The following OR4D9 variants were observed in gnomAD, a reference collection of about 807,000 sequenced individuals.
OR4D9 encodes the protein olfactory receptor family 4 subfamily D member 9.
OR4D9 carries 2 observed loss-of-function variants against 0.8 expected under a neutral mutation model. The ratio of observed to expected loss-of-function variants is 2.58; its 90% confidence interval spans 1.06 to 8.13. The LOEUF (loss-of-function observed/expected upper bound fraction) is 8.13. OR4D9 is among the 30% of genes most tolerant of loss of function. The probability of loss-of-function intolerance (pLI) is 0.04; values close to 1 mark genes in which losing one functional copy is unlikely to be tolerated. For synonymous variants in OR4D9, 146 were observed against 151.2 expected, an observed-to-expected ratio of 0.97 and a Z score of 0.25; for missense variants, 399 against 384.7, an observed-to-expected ratio of 1.04 and a Z score of -0.31.
In OR4D9 at chr11:59,515,619, C is replaced by T. The variant is rs1210886564; in HGVS notation, c.707C>T (p.Ala236Val). ...CACACTGGGGAAGGCAGGAGGAAAG[C>T]CATCTCCACCTGCACCTCCCACATC... Reference protein sequence around the residue: ...RSHTGEGRRKAISTCTSHITV... With the variant: ...RSHTGEGRRKVISTCTSHITV... The change falls in exon 3 of 3, where the codon GCC (alanine) becomes GTC (valine). Residue 236 changes from alanine to valine, a missense_variant. By Grantham distance (64) the Ala-to-Val change is moderately conservative. Transcript: ENST00000641962. The T allele has an allele frequency of 6.2e-7, 1 of 1,613,984 alleles. No homozygotes were observed. The highest frequency in any genetic ancestry group is 1.3e-5 in the African/African-American group (1 of 74,906).
At position 59,519,141 on chromosome 11, in the gene OR4D9, T is replaced by G. The variant is rs1859441860; in HGVS notation, c.*3284T>G. The G allele has an allele frequency of 6.6e-6, 1 of 152,144 alleles. No individual in the cohort carries two copies. 9.4% of individuals were successfully genotyped at this position (152,144 alleles called of 1,614,324 possible). A position where few individuals can be genotyped will look rare whatever the true frequency, so the allele number is the denominator to read the frequency against. On this transcript the variant is annotated 3_prime_UTR_variant, in exon 3 of 3. Coordinates refer to ENST00000641962, the MANE Select transcript of OR4D9 (RefSeq NM_001004711.2). ...GCCAGGGAGGGTGGATTGCTTGAGC[T>G]CAGGAGTTTCAGAACAGCCTGGGCA...
intron 1 of OR4D9, among the ~76,000 whole-genome samples, chr11:59,514,233 G>A (rs1859370152): frequency 6.6e-6 from 1 of 152,270 alleles, no homozygotes; most frequent in Non-Finnish European, 1.5e-5. Context: ...ACACCCACTA[G>A]CAGTGTATTA....
Position 59,515,426 on chromosome 11 carries a change from A to G in OR4D9, c.514A>G (p.Asn172Asp). ...GCTCCCACTCCCTTTCTGTGGACCCAATGTTCTTGACACTTTCTACTGCGA... is the reference window on the plus strand; with the variant it reads ...GCTCCCACTCCCTTTCTGTGGACCCGATGTTCTTGACACTTTCTACTGCGA... ...LLLPLPFCGP[N>D]VLDTFYCDVP... The change falls in exon 3 of 3, where the codon AAT (asparagine) becomes GAT (aspartate). Residue 172 changes from asparagine to aspartate, a missense_variant. Transcript: ENST00000641962. 1 of 1,613,964 alleles carries G rather than the reference A, an allele frequency of 6.2e-7. No homozygotes were observed. The highest frequency in any genetic ancestry group is 8.5e-7 in the Non-Finnish European group (1 of 1,179,896).
At chr11:59,514,448 T>A (rs1050100273) in intron 1 of OR4D9, among the ~76,000 whole-genome samples, 3 of 152,234 alleles carry the variant, frequency 2.0e-5, no homozygotes, top group Non-Finnish European at 4.4e-5. Context: ...TTTACTGATT[T>A]GTAGAGGCTC....
Position 59,515,588 on chromosome 11 carries a change from A to G in OR4D9, c.676A>G (p.Arg226Gly), listed in dbSNP as rs1459271759. 6.2e-7 allele frequency: 1 copy of G among 1,614,128 alleles called. No homozygotes were observed. The highest frequency in any genetic ancestry group is 2.2e-5 in the East Asian group (1 of 44,876). ...TTACACGGTCATCTTGATGATGCTG[A>G]GGTCTCACACTGGGGAAGGCAGGAG... is the stretch of plus-strand genomic sequence containing the variant. ...ISYTVILMMLRSHTGEGRRKA... is the reference protein window; with the variant it reads ...ISYTVILMMLGSHTGEGRRKA... The change falls in exon 3 of 3, where the codon AGG becomes GGG. Residue 226 changes from arginine (R) to glycine (G), a missense_variant. Physicochemically the swap from Arg to Gly is moderately radical, Grantham distance 125. Transcript: ENST00000641962.
rs1269423359 is a variant in OR4D9, at chr11:59,515,407, A to G, written c.495A>G (p.Pro165=). 1 of 1,613,232 alleles carries G rather than the reference A, an allele frequency of 6.2e-7. No individual in the cohort carries two copies. Residue 165 remains proline (P), a synonymous_variant, in exon 3 of 3, where the codon CCA becomes CCG. Coordinates refer to ENST00000641962, the MANE Select transcript of OR4D9 (RefSeq NM_001004711.2). ...TAGCGCAGATTTCTCTATTGCTCCCACTCCCTTTCTGTGGACCCAATGTTC... is the reference window on the plus strand; with the variant it reads ...TAGCGCAGATTTCTCTATTGCTCCCGCTCCCTTTCTGTGGACCCAATGTTC... The part of the protein sequence containing the change: ...HSIAQISLLL[P]LPFCGPNVLD...
rs1565094090 is a variant in OR4D9, at chr11:59,515,611, G to A, written c.699G>A (p.Arg233=). The change falls in exon 3 of 3, where the codon AGG becomes AGA. Residue 233 remains arginine, a synonymous_variant. Transcript: ENST00000641962. The part of the protein sequence containing the change: ...MMLRSHTGEG[R]RKAISTCTSH... ...TGAGGTCTCACACTGGGGAAGGCAG[G>A]AGGAAAGCCATCTCCACCTGCACCT... is the stretch of plus-strand genomic sequence containing the variant. 6.2e-7 allele frequency: 1 copy of A among 1,614,108 alleles called. No individual in the cohort carries two copies. Among genetic ancestry groups the A allele is most frequent in the Non-Finnish European group, 8.5e-7 (1 of 1,180,026 alleles).
intron 2 of OR4D9, 25 bp downstream of exon 2, chr11:59,514,791 C>A: frequency 1.5e-6 from 1 of 668,098 alleles, no homozygotes. Flanking sequence ...AAAAGAGCTT[C>A]CTCCTAATTC....
chr11:59,519,633 T>C lies in OR4D9; in HGVS notation c.*3776T>C, dbSNP rs1236348797. 6.6e-6 allele frequency: 1 copy of C among 152,178 alleles called. No individual in the cohort carries two copies. Among genetic ancestry groups the C allele is most frequent in the Non-Finnish European group, 1.5e-5 (1 of 68,028 alleles). The allele number at this position is 152,178 out of a possible 1,614,324, so 9.4% of individuals were successfully genotyped here. On this transcript the variant is annotated 3_prime_UTR_variant, in exon 3 of 3. Coordinates refer to ENST00000641962, the MANE Select transcript of OR4D9 (RefSeq NM_001004711.2). ...TCCCAAACTTTTCATGGGCTTGTTG[T>C]AAACAAGTTCGATTAATGCAGAAGC...
intron 1 of OR4D9, among the ~76,000 whole-genome samples, chr11:59,512,300 C>CTTTTT (rs71036528): frequency 1.6e-5 from 2 of 125,500 alleles, no homozygotes; most frequent in Non-Finnish European, 3.3e-5. Flanking sequence ...TTTCTTTTTT[C>CTTTTT]TTTTTTTTTT....
At position 59,511,835 on chromosome 11, in the gene OR4D9, G is replaced by A. The variant is rs961632279; in HGVS notation, c.-125+89G>A. 2.6e-5 allele frequency: 4 copies of A among 152,306 alleles called. No homozygotes were observed. The South Asian group carries it at 8.3e-4, about 32-fold the overall frequency. 9.4% of individuals were successfully genotyped at this position (152,306 alleles called of 1,614,324 possible). ...GGCTTGGCTGTGTTTTACTTGTTGG[G>A]ATATTGAGGTTCAAAATTTATTAAA... is the stretch of plus-strand genomic sequence containing the variant. On this transcript the variant is annotated intron_variant, in intron 1 of 2. Transcript: ENST00000641962.
At position 59,517,675 on chromosome 11, in the gene OR4D9, C is replaced by T. The variant is rs1859421797; in HGVS notation, c.*1818C>T. ...TGAAACCCCATTTCTACTAAAAATA[C>T]AAAAATTAAGCCGGGTGTGGTGGTA... On this transcript the variant is annotated 3_prime_UTR_variant, in exon 3 of 3. Transcript: ENST00000641962. 1 of 152,064 alleles carries T rather than the reference C, an allele frequency of 6.6e-6. No homozygotes were observed. Among genetic ancestry groups the T allele is most frequent in the South Asian group, 2.1e-4 (1 of 4,816 alleles). 9.4% of individuals were successfully genotyped at this position (152,064 alleles called of 1,614,324 possible).
chr11:59,515,905 C>T lies in OR4D9; in HGVS notation c.*48C>T, dbSNP rs755254280. ...AAAGATAGACATTAAATTTCACTTT[C>T]TCAAAATGGGAAAGGAGCTTGTTCA... On this transcript the variant is annotated 3_prime_UTR_variant, in exon 3 of 3. Coordinates refer to ENST00000641962, the MANE Select transcript of OR4D9 (RefSeq NM_001004711.2). 1.4e-6 allele frequency: 2 copies of T among 1,380,732 alleles called. No individual in the cohort carries two copies. Among genetic ancestry groups the T allele is most frequent in the South Asian group, 2.8e-5 (2 of 70,888 alleles). 85.5% of individuals were successfully genotyped at this position (1,380,732 alleles called of 1,614,324 possible). A position where few individuals can be genotyped will look rare whatever the true frequency, so the allele number is the denominator to read the frequency against.
rs539602976 is a variant in OR4D9, at chr11:59,515,750, C to G, written c.838C>G (p.Pro280Ala). The change falls in exon 3 of 3, where the codon CCT (proline) becomes GCT (alanine). Residue 280 changes from proline (P) to alanine (A), a missense_variant. Transcript: ENST00000641962. ...AISVTFTVIS[P>A]LLNPIIYTLR... Reference sequence around the variant, plus strand: ...CTCTGTCACCTTCACTGTCATCTCCCCTTTGCTCAATCCTATAATTTACAC... The same window carrying G: ...CTCTGTCACCTTCACTGTCATCTCCGCTTTGCTCAATCCTATAATTTACAC... 2 of 1,614,108 alleles carry G rather than the reference C, an allele frequency of 1.2e-6. No homozygotes were observed. Among genetic ancestry groups the G allele is most frequent in the Admixed American group, 1.7e-5 (1 of 60,010 alleles).
chr11:59,513,427 T>C (rs1011876800), intron 1 of OR4D9, among the ~76,000 whole-genome samples: 2 of 152,184 alleles, frequency 1.3e-5, no homozygotes, highest in African/African-American at 4.8e-5. Flanking sequence ...TTAGGCTCCC[T>C]TCAGTTTTGT....
In OR4D9 at chr11:59,514,203, A is replaced by G. The variant is rs535315386; in HGVS notation, c.-124-470A>G. On this transcript the variant is annotated intron_variant, in intron 1 of 2. Coordinates refer to ENST00000641962, the MANE Select transcript of OR4D9 (RefSeq NM_001004711.2). ...CTTAGCAGAGATAATCAAATAGCAA[A>G]GTGGTTATACCAATTTTACACACCC... Among the ~76,000 whole-genome samples the G allele has an allele frequency of 5.9e-5, 9 of 152,362 alleles. No individual in the cohort carries two copies. The East Asian group carries it at 1.7e-3, about 29-fold the overall frequency.
At position 59,515,080 on chromosome 11, in the gene OR4D9, T is replaced by C. The variant is rs756096298; in HGVS notation, c.168T>C (p.His56=). 8.1e-6 allele frequency: 13 copies of C among 1,614,194 alleles called. No individual in the cohort carries two copies. In the Admixed American group the frequency reaches 2.2e-4, roughly 27 times the overall value. ...CAGTTACCTGTGAATCTCACCTTCATACGCCCATGTACTTCCTGCTCCGCA... is the reference window on the plus strand; with the variant it reads ...CAGTTACCTGTGAATCTCACCTTCACACGCCCATGTACTTCCTGCTCCGCA... ...MVTVTCESHL[H]TPMYFLLRNL... Residue 56 remains histidine (H), a synonymous_variant, in exon 3 of 3, where the codon CAT becomes CAC. Coordinates refer to ENST00000641962, the MANE Select transcript of OR4D9 (RefSeq NM_001004711.2).
rs1859379875 is a variant in OR4D9 at position 59,514,925 on chromosome 11, A to T, written c.13A>T (p.Asn5Tyr). ...GATCTGTGATTCAATGGATCAGAGAAATTACACCAGAGTGAAAGAATTTAC... is the reference window on the plus strand; with the variant it reads ...GATCTGTGATTCAATGGATCAGAGATATTACACCAGAGTGAAAGAATTTAC... MDQR[N>Y]YTRVKEFTFL... The change falls in exon 3 of 3, where the codon AAT becomes TAT. Residue 5 changes from asparagine (N) to tyrosine (Y), a missense_variant. Physicochemically the swap from Asn to Tyr is moderately radical, Grantham distance 143 (BLOSUM62 -2). Coordinates refer to ENST00000641962, the MANE Select transcript of OR4D9 (RefSeq NM_001004711.2). The T allele has an allele frequency of 1.9e-6, 3 of 1,608,386 alleles. No homozygotes were observed. The highest frequency in any genetic ancestry group is 2.7e-5 in the African/African-American group (2 of 74,888).
chr11:59,514,903 C>A lies in OR4D9; in HGVS notation c.-10C>A, dbSNP rs1486847911. The A allele has an allele frequency of 1.9e-6, 3 of 1,540,278 alleles. No homozygotes were observed. The highest frequency in any genetic ancestry group is 1.1e-5 in the South Asian group (1 of 86,970). On this transcript the variant is annotated 5_prime_UTR_variant, in exon 3 of 3. The change creates a new upstream start codon in the 5' untranslated region. Coordinates refer to ENST00000641962, the MANE Select transcript of OR4D9 (RefSeq NM_001004711.2). The stretch of plus-strand genomic sequence containing the variant: ...TCCAGAGATGAACCTGATAAAGGAT[C>A]TGTGATTCAATGGATCAGAGAAATT...
Sources: gnomAD v4.1 joint callset for allele counts (sites outside exome capture counted in the v4.1 genomes callset) on GRCh38, gnomAD v4.1.1 for gene constraint, MANE v1.5 for transcripts, NCBI Gene and HGNC (gene_info 2026-07-23, HGNC 2026-07-21) for gene names.